Variants in TXNRD1 observed in about 807,000 individuals in gnomAD.
TXNRD1 encodes thioredoxin reductase 1, cytoplasmic.
TXNRD1 carries 57 observed loss-of-function variants against 80.3 expected under a neutral mutation model. That is an observed-to-expected ratio of 0.71 (90% CI 0.57 to 0.89). The LOEUF (loss-of-function observed/expected upper bound fraction) is 0.89, where lower values mean the gene tolerates loss of function less well. TXNRD1 is among the 40% of genes least tolerant of loss of function. TXNRD1 has a pLI of 0.00. For synonymous variants in TXNRD1, 291 were observed against 285.2 expected (o/e 1.02, Z -0.20); for missense variants, 730 against 803.0 (o/e 0.91, Z 1.10).
chr12:104,254,618 T>C (rs12831134), intron 2 of TXNRD1, among the ~76,000 whole-genome samples: 1 of 74,920 alleles, frequency 1.3e-5, no homozygotes, highest in African/African-American at 6.2e-5. Flanking sequence ...ATAACAAGAC[T>C]CTATGTCTAT....
intron 16 of TXNRD1, among the ~76,000 whole-genome samples, chr12:104,347,515 A>G (rs2036532850): frequency 6.6e-6 from 1 of 152,210 alleles, no homozygotes; most frequent in Admixed American, 6.5e-5. Context: ...AAATGAGAGT[A>G]TAGGTTGGTT....
In TXNRD1 at chr12:104,303,773, T is replaced by C. The variant is rs971192056; in HGVS notation, c.415-7517T>C. The C allele has an allele frequency of 1.0e-5, 13 of 1,241,012 alleles. No homozygotes were observed. The East Asian group carries it at 3.5e-4, about 34-fold the overall frequency. The allele number at this position is 1,241,012 out of a possible 1,614,324, so 76.9% of individuals were successfully genotyped here. A position where few individuals can be genotyped will look rare whatever the true frequency, so the allele number is the denominator to read the frequency against. On this transcript the variant is annotated intron_variant, in intron 4 of 16. Transcript: ENST00000525566. ...CGTCCTCGGCTCTAACTGCCGCCAC[T>C]TTCCACACGCTGGGAGGGCCGTTAC...
chr12:104,236,222 G>A (rs1331326392), intron 1 of TXNRD1, among the ~76,000 whole-genome samples: 1 of 152,172 alleles, frequency 6.6e-6, no homozygotes, highest in Admixed American at 6.5e-5. Context: ...GGATGGGCAA[G>A]GACAGCTTGG....
chr12:104,278,476 G>A (rs554124354), intron 3 of TXNRD1, among the ~76,000 whole-genome samples: 1 of 147,744 alleles, frequency 6.8e-6, no homozygotes, highest in African/African-American at 2.5e-5. Context: ...TGGGATTACA[G>A]GCTTGAGCCA....
chr12:104,282,718 C>T (rs753928544), intron 3 of TXNRD1, among the ~76,000 whole-genome samples: 6 of 152,028 alleles, frequency 3.9e-5, no homozygotes, highest in African/African-American at 1.2e-4. Flanking sequence ...TTTTTGGGAA[C>T]AGTTTTGCTC....
At chr12:104,300,171 G>C (rs1320722069) in intron 4 of TXNRD1, among the ~76,000 whole-genome samples, 1 of 152,200 alleles carries the variant, frequency 6.6e-6, no homozygotes, top group African/African-American at 2.4e-5. Context: ...TGAGCAGTAT[G>C]GGTTGTGGGA....
chr12:104,262,173 A>T (rs572666602), intron 3 of TXNRD1: 1 of 145,620 alleles, frequency 6.9e-6, no homozygotes, highest in Non-Finnish European at 1.5e-5. Flanking sequence ...CGGAGGTTGC[A>T]GTGCGCTGAG....
intron 4 of TXNRD1, among the ~76,000 whole-genome samples, chr12:104,292,680 CA>C (rs1357837080): frequency 6.6e-6 from 1 of 152,106 alleles, no homozygotes; most frequent in Non-Finnish European, 1.5e-5. Flanking sequence ...CAGTGTGAGC[CA>C]CCACGCCCGG....
At chr12:104,307,299 T>C (rs936511936) in intron 4 of TXNRD1, among the ~76,000 whole-genome samples, 1 of 152,204 alleles carries the variant, frequency 6.6e-6, no homozygotes, top group Non-Finnish European at 1.5e-5. Flanking sequence ...ATATACTGGA[T>C]CAAGATTTGT....
rs369698058 is a variant in TXNRD1, at chr12:104,319,580, C to G, written c.984C>G (p.Ile328Met). Residue 328 changes from isoleucine to methionine, a missense_variant, in exon 9 of 17, where the codon ATC becomes ATG. Physicochemically the swap from Ile to Met is conservative, Grantham distance 10 (BLOSUM62 1). Coordinates refer to ENST00000525566, the MANE Select transcript of TXNRD1 (RefSeq NM_001093771.3). Reference protein sequence around the residue: ...LGIPGDKEYCISSDDLFSLPY... With the variant: ...LGIPGDKEYCMSSDDLFSLPY... ...TCCCTGGTGACAAAGAATACTGCAT[C>G]AGCAGGTAAAGGAAAAAAGCAGGGT... 242 of 1,592,902 alleles carry G rather than the reference C, an allele frequency of 1.5e-4. No homozygotes were observed. The highest frequency in any genetic ancestry group is 2.0e-4 in the Non-Finnish European group (236 of 1,168,768).
At chr12:104,259,223 T>TA (rs770569423) in intron 3 of TXNRD1, among the ~76,000 whole-genome samples, 1 of 151,194 alleles carries the variant, frequency 6.6e-6, no homozygotes, top group East Asian at 2.0e-4. Flanking sequence ...TACTAAATAA[T>TA]AAAAAAAATT....
intron 14 of TXNRD1, among the ~76,000 whole-genome samples, chr12:104,333,496 A>G (rs1189619724): frequency 6.6e-6 from 1 of 152,148 alleles, no homozygotes; most frequent in Non-Finnish European, 1.5e-5. Context: ...ATACTATGAT[A>G]CTGTACATTA....
chr12:104,235,850 A>G (rs765377944), intron 1 of TXNRD1, among the ~76,000 whole-genome samples: 9 of 152,104 alleles, frequency 5.9e-5, no homozygotes, highest in Non-Finnish European at 1.0e-4. Flanking sequence ...ACGTGGCAAT[A>G]CTTTATTTTA....
chr12:104,221,007 C>T (rs1231634582), intron 1 of TXNRD1, among the ~76,000 whole-genome samples: 1 of 152,160 alleles, frequency 6.6e-6, no homozygotes, highest in Non-Finnish European at 1.5e-5. Flanking sequence ...GTGGCTCATG[C>T]CTGTATTCCT....
At chr12:104,297,618 G>T (rs886161331) in intron 4 of TXNRD1, among the ~76,000 whole-genome samples, 1 of 152,224 alleles carries the variant, frequency 6.6e-6, no homozygotes. Context: ...GCCTGCGTCA[G>T]CCTCCAAAAG....
intron 3 of TXNRD1, among the ~76,000 whole-genome samples, chr12:104,271,513 G>T (rs149744173): frequency 7.2e-5 from 11 of 152,082 alleles, no homozygotes; most frequent in African/African-American, 2.7e-4. Context: ...TGGGATAGGC[G>T]GTGGAGTTAG....
At chr12:104,343,603 C>T (rs1158899745) in intron 16 of TXNRD1, among the ~76,000 whole-genome samples, 2 of 152,086 alleles carry the variant, frequency 1.3e-5, no homozygotes, top group African/African-American at 4.8e-5. Context: ...AGTTTGAGAC[C>T]AGCCTGGCCA....
intron 1 of TXNRD1, among the ~76,000 whole-genome samples, chr12:104,229,009 G>A (rs1263636367): frequency 1.3e-5 from 2 of 151,864 alleles, no homozygotes; most frequent in African/African-American, 2.4e-5. Context: ...GTGAGCCACC[G>A]TGCCCAGCCT....
intron 10 of TXNRD1, 106 bp from the exon 11 acceptor site, chr12:104,325,231 C>T (rs1268166176): frequency 1.2e-6 from 1 of 811,576 alleles, no homozygotes; most frequent in Non-Finnish European, 2.1e-6. Flanking sequence ...ACTTTTCAAG[C>T]ACGATTTTAT....
Sources: allele counts gnomAD v4.1 joint callset (sites outside exome capture counted in the v4.1 genomes callset), GRCh38; gene constraint gnomAD v4.1.1; transcripts MANE v1.5; gene names NCBI Gene and HGNC (gene_info 2026-07-23, HGNC 2026-07-21).